CAMK1D: variants seen among roughly 807,000 people sequenced by gnomAD.
The protein encoded by CAMK1D is calcium/calmodulin-dependent protein kinase type 1D.
A neutral mutation model predicts 47.7 loss-of-function variants in CAMK1D; 9 were observed. The ratio of observed to expected loss-of-function variants is 0.19; its 90% CI spans 0.11 to 0.33. The LOEUF (loss-of-function observed/expected upper bound fraction) is 0.33. Among genes scored for constraint, CAMK1D ranks in the 10% least tolerant of loss-of-function variants. The pLI is 1.00. For missense variants in CAMK1D, 291 were observed against 488.7 expected (o/e 0.60, Z 3.81); for synonymous variants, 184 against 184.9 (o/e 0.99, Z 0.04).
chr10:12,769,617 C>T, intron 4 of CAMK1D, 56 bp from the exon 5 acceptor site: 1 of 1,593,238 alleles, frequency 6.3e-7, no homozygotes, highest in East Asian at 2.2e-5. Flanking sequence ...GAGTCTTCCA[C>T]AATTAACCCA....
At chr10:12,481,437 A>T (rs1588536542) in intron 1 of CAMK1D, among the ~76,000 whole-genome samples, 1 of 151,646 alleles carries the variant, frequency 6.6e-6, no homozygotes, top group African/African-American at 2.4e-5. Flanking sequence ...TCTTTGAAAA[A>T]CCGTAGCCTC....
intron 2 of CAMK1D, among the ~76,000 whole-genome samples, chr10:12,646,629 A>C (rs1167820770): frequency 6.6e-6 from 1 of 152,146 alleles, no homozygotes; most frequent in African/African-American, 2.4e-5. Context: ...GGTTTCCAGT[A>C]GTCCACATAA....
At chr10:12,634,346 C>G (rs1301822036) in intron 2 of CAMK1D, among the ~76,000 whole-genome samples, 1 of 152,112 alleles carries the variant, frequency 6.6e-6, no homozygotes, top group African/African-American at 2.4e-5. Context: ...GAGACACCTC[C>G]AAACACAGAT....
At chr10:12,755,918 G>A (rs1836207116) in intron 3 of CAMK1D, among the ~76,000 whole-genome samples, 1 of 152,072 alleles carries the variant, frequency 6.6e-6, no homozygotes, top group African/African-American at 2.4e-5. Context: ...CCTTGTTCTG[G>A]GGCCCATTGA....
intron 1 of CAMK1D, among the ~76,000 whole-genome samples, chr10:12,357,398 C>T (rs1275718601): frequency 6.6e-6 from 1 of 152,082 alleles, no homozygotes; most frequent in Non-Finnish European, 1.5e-5. Context: ...TCACTGCAAC[C>T]TCCGCCTCCC....
intron 5 of CAMK1D, among the ~76,000 whole-genome samples, chr10:12,789,887 G>A (rs1189334597): frequency 6.6e-6 from 1 of 152,240 alleles, no homozygotes; most frequent in Non-Finnish European, 1.5e-5. Flanking sequence ...CATCAGATAT[G>A]TTTGGGGGCA....
At chr10:12,812,088 G>A (rs1052286543) in intron 6 of CAMK1D, among the ~76,000 whole-genome samples, 3 of 152,244 alleles carry the variant, frequency 2.0e-5, no homozygotes, top group African/African-American at 7.2e-5. Context: ...ACGCCCCTGC[G>A]CAGCGATGGC....
intron 1 of CAMK1D, among the ~76,000 whole-genome samples, chr10:12,432,171 G>A (rs1287038084): frequency 1.3e-5 from 2 of 152,238 alleles, no homozygotes; most frequent in African/African-American, 4.8e-5. Context: ...GATGGTGATA[G>A]GGAGAGTGGG....
intron 1 of CAMK1D, among the ~76,000 whole-genome samples, chr10:12,535,094 G>C (rs1274530486): frequency 2.0e-5 from 3 of 152,174 alleles, no homozygotes; most frequent in Admixed American, 1.3e-4. Context: ...GTTAAGATAA[G>C]CTGAGACACA....
intron 2 of CAMK1D, among the ~76,000 whole-genome samples, chr10:12,627,236 C>T (rs903922779): frequency 6.6e-6 from 1 of 151,932 alleles, no homozygotes; most frequent in Non-Finnish European, 1.5e-5. Context: ...TGCCTGCCAC[C>T]ACGCCCAGCT....
intron 3 of CAMK1D, among the ~76,000 whole-genome samples, chr10:12,753,187 G>A (rs569428930): frequency 6.6e-6 from 1 of 152,348 alleles, no homozygotes; most frequent in Admixed American, 6.5e-5. Flanking sequence ...GGGAGGCAGA[G>A]GTTGCAGTGA....
chr10:12,745,134 C>T (rs893605805), intron 3 of CAMK1D, among the ~76,000 whole-genome samples: 6 of 152,220 alleles, frequency 3.9e-5, no homozygotes, highest in African/African-American at 7.2e-5. Flanking sequence ...GAGTTCACGC[C>T]GTTCTCCTGC....
chr10:12,656,676 TATC>T (rs1840125157), intron 2 of CAMK1D, among the ~76,000 whole-genome samples: 1 of 152,204 alleles, frequency 6.6e-6, no homozygotes, highest in South Asian at 2.1e-4. Context: ...TTGATTTAGG[TATC>T]ATAGTCTTGG....
rs138471135 is a variant in CAMK1D, at chr10:12,498,270, C to G, written c.93-54955C>G. 1.8e-3 allele frequency among the ~76,000 whole-genome samples: 276 copies of G among 152,214 alleles called. 5 individuals are homozygous for G. In the East Asian group the frequency reaches 0.033, roughly 18 times the overall value. ...AGTGGAGACTTAGTGTTGAGTGGAC[C>G]TGGGGCTCCAAACTCTCCAAACCCT... On this transcript the variant is annotated intron_variant, in intron 1 of 10. Coordinates refer to ENST00000619168, the MANE Select transcript of CAMK1D (RefSeq NM_153498.4).
At chr10:12,464,609 A>T (rs971578201) in intron 1 of CAMK1D, among the ~76,000 whole-genome samples, 1 of 152,096 alleles carries the variant, frequency 6.6e-6, no homozygotes, top group Non-Finnish European at 1.5e-5. Flanking sequence ...AGGTCAGGAG[A>T]TTGAGACCAT....
chr10:12,811,011 A>T (rs978235837), intron 6 of CAMK1D, among the ~76,000 whole-genome samples: 4 of 152,244 alleles, frequency 2.6e-5, no homozygotes, highest in African/African-American at 9.6e-5. Flanking sequence ...AGACAGTAAG[A>T]TGTAAGAGTT....
At chr10:12,536,722 G>A (rs1444068112) in intron 1 of CAMK1D, among the ~76,000 whole-genome samples, 1 of 152,168 alleles carries the variant, frequency 6.6e-6, no homozygotes, top group African/African-American at 2.4e-5. Flanking sequence ...GTTAGTGTTG[G>A]TGTGGCTGTT....
At chr10:12,814,331 C>G in intron 7 of CAMK1D, 24 bp downstream of exon 7, 1 of 1,483,720 alleles carries the variant, frequency 6.7e-7, no homozygotes, top group Non-Finnish European at 9.4e-7. Context: ...AGGCAGCTCC[C>G]AGTGGGCGGC....
At chr10:12,819,757 G>A (rs1832949260) in intron 8 of CAMK1D, among the ~76,000 whole-genome samples, 1 of 152,188 alleles carries the variant, frequency 6.6e-6, no homozygotes, top group Admixed American at 6.5e-5. Context: ...GGGAGATGGA[G>A]TGTGGGAGCG....
Sources: allele counts gnomAD v4.1 joint callset (sites outside exome capture counted in the v4.1 genomes callset), GRCh38; gene constraint gnomAD v4.1.1; transcripts MANE v1.5; gene names NCBI Gene and HGNC (gene_info 2026-07-23, HGNC 2026-07-21).